Variants in DOCK2 observed in about 807,000 individuals in gnomAD.
DOCK2 encodes dedicator of cytokinesis protein 2.
A neutral mutation model predicts 248.9 loss-of-function variants in DOCK2; 87 were observed. The observed-to-expected ratio is 0.35, with a 90% CI of 0.29 to 0.42. The LOEUF (loss-of-function observed/expected upper bound fraction) is 0.42, where lower values mean the gene tolerates loss of function less well. Ranked by LOEUF, DOCK2 falls within the 10% of genes least tolerant of loss-of-function variation. The pLI is 1.00. For synonymous variants in DOCK2, 805 were observed against 821.6 expected (o/e 0.98, Z 0.35); for missense variants, 1,747 against 2,300.2 (o/e 0.76, Z 4.92).
chr5:169,897,839 G>T (rs1365012100), intron 27 of DOCK2, among the ~76,000 whole-genome samples: 1 of 152,140 alleles, frequency 6.6e-6, no homozygotes, highest in Admixed American at 6.5e-5. Flanking sequence ...TTTTCTCCAG[G>T]TCTATGTAAT....
intron 27 of DOCK2, among the ~76,000 whole-genome samples, chr5:169,949,838 G>T (rs1263269333): frequency 1.3e-5 from 2 of 151,634 alleles, no homozygotes; most frequent in African/African-American, 4.9e-5. Context: ...AGAGCCAGAG[G>T]TTTCATTTTT....
chr5:170,061,028 TA>T (rs563673436), intron 44 of DOCK2, among the ~76,000 whole-genome samples: 23 of 151,322 alleles, frequency 1.5e-4, no homozygotes, highest in African/African-American at 4.9e-4. Context: ...AGACTCCATC[TA>T]AAAAAAAATT....
intron 23 of DOCK2, among the ~76,000 whole-genome samples, chr5:169,751,184 A>C (rs1233596286): frequency 3.9e-5 from 6 of 152,358 alleles, no homozygotes; most frequent in Middle Eastern, 3.4e-3. Flanking sequence ...ATCATAAAAC[A>C]GAAGCTTTTT....
intron 46 of DOCK2, 74 bp downstream of exon 46, chr5:170,069,294 T>G: frequency 6.7e-7 from 1 of 1,503,530 alleles, no homozygotes; most frequent in Non-Finnish European, 9.2e-7. Context: ...TGCCCCACGC[T>G]AGGCTCTAGC....
intron 32 of DOCK2, among the ~76,000 whole-genome samples, chr5:170,017,105 G>C (rs1322227496): frequency 6.6e-6 from 1 of 151,912 alleles, no homozygotes; most frequent in South Asian, 2.1e-4. Flanking sequence ...TCTGAATCCT[G>C]GGCAACTACT....
At chr5:169,729,528 C>T (rs1397187208) in intron 22 of DOCK2, among the ~76,000 whole-genome samples, 1 of 152,150 alleles carries the variant, frequency 6.6e-6, no homozygotes, top group Admixed American at 6.5e-5. Flanking sequence ...TACAGAGACA[C>T]ATTGATTTCA....
chr5:170,079,431 G>A, intron 49 of DOCK2: 1 of 349,110 alleles, frequency 2.9e-6, no homozygotes, highest in Non-Finnish European at 5.5e-6. Context: ...TTCCAGGCTG[G>A]GGAGAATCCA....
chr5:169,995,237 C>G (rs1754575189), intron 29 of DOCK2, among the ~76,000 whole-genome samples: 2 of 152,082 alleles, frequency 1.3e-5, no homozygotes, highest in South Asian at 4.1e-4. Context: ...CCACGATGGT[C>G]AGGCTGGTCT....
intron 30 of DOCK2, among the ~76,000 whole-genome samples, chr5:170,000,685 G>A (rs1215956066): frequency 6.6e-6 from 1 of 152,158 alleles, no homozygotes; most frequent in African/African-American, 2.4e-5. Flanking sequence ...GAAAGACTCT[G>A]TGTTAGGCAG....
At chr5:169,665,945 A>T (rs1758699339) in intron 2 of DOCK2, among the ~76,000 whole-genome samples, 1 of 152,204 alleles carries the variant, frequency 6.6e-6, no homozygotes, top group Non-Finnish European at 1.5e-5. Context: ...TATTTGAATA[A>T]TTGGCACTTT....
chr5:170,046,386 G>A (rs1449129056), intron 39 of DOCK2, among the ~76,000 whole-genome samples: 1 of 152,186 alleles, frequency 6.6e-6, no homozygotes, highest in Non-Finnish European at 1.5e-5. Context: ...AATCCTGCTT[G>A]TACTGCAGAA....
intron 23 of DOCK2, among the ~76,000 whole-genome samples, chr5:169,758,120 G>A (rs1458669029): frequency 1.3e-5 from 2 of 152,178 alleles, no homozygotes; most frequent in African/African-American, 4.8e-5. Flanking sequence ...CCTATGATCA[G>A]GGGTGGGCTG....
At chr5:169,801,146 G>GGTTTTTTTTTTTTTTTT (rs1561709040) in intron 25 of DOCK2, among the ~76,000 whole-genome samples, 3 of 76,052 alleles carry the variant, frequency 3.9e-5, no homozygotes. Flanking sequence ...ATAGTTTTGG[G>GGTTTTTTTTTTTTTTTT]TTTTTTTTTT....
intron 27 of DOCK2, among the ~76,000 whole-genome samples, chr5:169,890,273 C>A (rs139417654): frequency 7.2e-5 from 11 of 152,256 alleles, no homozygotes; most frequent in African/African-American, 2.4e-4. Flanking sequence ...GTCTTCCACT[C>A]TTTTTCTATC....
intron 26 of DOCK2, among the ~76,000 whole-genome samples, chr5:169,805,803 C>T (rs1167794523): frequency 1.3e-5 from 2 of 152,178 alleles, no homozygotes; most frequent in Non-Finnish European, 2.9e-5. Context: ...CTGAGCTCCC[C>T]GTGGGGGATT....
chr5:169,708,083 G>C, intron 14 of DOCK2, 86 bp from the exon 15 acceptor site: 1 of 1,415,584 alleles, frequency 7.1e-7, no homozygotes, highest in Non-Finnish European at 9.8e-7. Flanking sequence ...CCCTAAGGCT[G>C]GTCGTGGCCT....
At chr5:169,697,471 A>G (rs1377573088) in intron 10 of DOCK2, among the ~76,000 whole-genome samples, 1 of 152,168 alleles carries the variant, frequency 6.6e-6, no homozygotes, top group Non-Finnish European at 1.5e-5. Flanking sequence ...CCTCATCTCC[A>G]TAGTCTTTAC....
chr5:169,934,680 T>A (rs1039511604), intron 27 of DOCK2: 1 of 456,138 alleles, frequency 2.2e-6, no homozygotes, highest in Admixed American at 2.4e-5. Flanking sequence ...ACTGAACCGA[T>A]TGGGTGCTAC....
intron 5 of DOCK2, among the ~76,000 whole-genome samples, chr5:169,673,431 C>T (rs1479098519): frequency 1.3e-5 from 2 of 151,790 alleles, no homozygotes; most frequent in African/African-American, 4.8e-5. Context: ...TTATACCACC[C>T]ACACTTTCCC....
Sources: allele counts gnomAD v4.1 joint callset (sites outside exome capture counted in the v4.1 genomes callset), GRCh38; gene constraint gnomAD v4.1.1; transcripts MANE v1.5; gene names NCBI Gene and HGNC (gene_info 2026-07-23, HGNC 2026-07-21).